METTL16: variants seen among roughly 807,000 people sequenced by gnomAD.
The protein encoded by METTL16 is methyltransferase 16, RNA N6-adenosine, also known as RNA N(6)-adenosine-methyltransferase METTL16.
Under a neutral mutation model 57.9 loss-of-function variants are expected in METTL16, and 19 were observed. The observed-to-expected ratio is 0.33, with a 90% CI of 0.23 to 0.48. The LOEUF is 0.48. Among genes scored for constraint, METTL16 ranks in the 20% least tolerant of loss-of-function variants. The pLI is 0.99. For missense variants in METTL16, 434 were observed against 691.5 expected, an observed-to-expected ratio of 0.63 and a Z score of 4.18; for synonymous variants, 246 against 255.6, an observed-to-expected ratio of 0.96 and a Z score of 0.36.
intron 8 of METTL16, among the ~76,000 whole-genome samples, chr17:2,424,819 A>G (rs920911647): frequency 7.2e-5 from 11 of 152,112 alleles, no homozygotes; most frequent in Non-Finnish European, 1.2e-4. Flanking sequence ...GTGGCGGCAC[A>G]CGCCTGTAGT....
intron 6 of METTL16, chr17:2,455,087 CTTTTTTT>C: frequency 3.6e-5 from 4 of 111,908 alleles, no homozygotes; most frequent in South Asian, 1.6e-4. Flanking sequence ...TGCCCAGGTA[CTTTTTTT>C]TTTTTTTTTT....
intron 8 of METTL16, among the ~76,000 whole-genome samples, chr17:2,427,326 A>G (rs894834213): frequency 9.8e-5 from 15 of 152,328 alleles, no homozygotes; most frequent in African/African-American, 3.6e-4. Flanking sequence ...TTACAAAACA[A>G]AACTAACAAC....
chr17:2,484,552 T>C (rs1393236481), intron 2 of METTL16, among the ~76,000 whole-genome samples: 2 of 152,018 alleles, frequency 1.3e-5, no homozygotes, highest in Non-Finnish European at 2.9e-5. Flanking sequence ...TGGAGTTCAA[T>C]GGCGCAATAT....
At chr17:2,473,721 AT>A in intron 3 of METTL16, 57 bp from the exon 4 acceptor site, 1 of 1,540,074 alleles carries the variant, frequency 6.5e-7, no homozygotes, top group Non-Finnish European at 8.8e-7. Context: ...GGTTACAATA[AT>A]CATGAAAACA....
At chr17:2,447,373 C>A (rs1238176475) in intron 6 of METTL16, among the ~76,000 whole-genome samples, 1 of 136,740 alleles carries the variant, frequency 7.3e-6, no homozygotes, top group South Asian at 2.3e-4. Context: ...GTGAGGAGCC[C>A]CTCCGTCCAG....
intron 8 of METTL16, among the ~76,000 whole-genome samples, chr17:2,430,104 T>G (rs994246401): frequency 6.6e-6 from 1 of 151,518 alleles, no homozygotes; most frequent in African/African-American, 2.4e-5. Context: ...ATGAGCCACC[T>G]GCCCACTTCC....
chr17:2,452,250 G>C (rs147302805), intron 6 of METTL16, among the ~76,000 whole-genome samples: 1 of 151,596 alleles, frequency 6.6e-6, no homozygotes, highest in East Asian at 1.9e-4. Flanking sequence ...ATACTTAATA[G>C]ACACTCGGGA....
At chr17:2,498,789 A>G (rs1209729068) in intron 2 of METTL16, among the ~76,000 whole-genome samples, 2 of 151,558 alleles carry the variant, frequency 1.3e-5, no homozygotes, top group African/African-American at 4.9e-5. Context: ...GGCAAGGCAC[A>G]AGAATCCTCC....
At chr17:2,463,493 A>G (rs1012804981) in intron 6 of METTL16, among the ~76,000 whole-genome samples, 68 of 151,798 alleles carry the variant, frequency 4.5e-4, no homozygotes, top group African/African-American at 1.5e-3. Flanking sequence ...AAGGAATCTT[A>G]CTCTCTCACC....
At chr17:2,453,193 G>A (rs556811877) in intron 6 of METTL16, among the ~76,000 whole-genome samples, 6 of 152,186 alleles carry the variant, frequency 3.9e-5, no homozygotes, top group African/African-American at 1.4e-4. Flanking sequence ...TAACCACAGA[G>A]GAATTATCAA....
At chr17:2,447,792 G>A (rs2067019565) in intron 6 of METTL16, among the ~76,000 whole-genome samples, 2 of 121,128 alleles carry the variant, frequency 1.7e-5, no homozygotes, top group African/African-American at 3.6e-5. Flanking sequence ...CGCCCCGTCC[G>A]GGAGGGAGGT....
intron 8 of METTL16, among the ~76,000 whole-genome samples, chr17:2,432,929 T>C (rs1321266776): frequency 6.6e-6 from 1 of 152,188 alleles, no homozygotes; most frequent in Non-Finnish European, 1.5e-5. Flanking sequence ...CGAAGTTAAG[T>C]AGCCTGTTCT....
intron 6 of METTL16, among the ~76,000 whole-genome samples, chr17:2,442,786 C>A (rs2066963528): frequency 6.6e-6 from 1 of 151,862 alleles, no homozygotes; most frequent in South Asian, 2.1e-4. Context: ...GCTTCAAAAA[C>A]ACAAACTACC....
chr17:2,434,779 C>CA (rs1335060113), intron 8 of METTL16, among the ~76,000 whole-genome samples: 1 of 152,116 alleles, frequency 6.6e-6, no homozygotes, highest in African/African-American at 2.4e-5. Context: ...ATCTGCTCTC[C>CA]AAAAAGCCCT....
chr17:2,474,132 A>G (rs2151567984), intron 3 of METTL16, among the ~76,000 whole-genome samples: 1 of 152,296 alleles, frequency 6.6e-6, no homozygotes, highest in East Asian at 1.9e-4. Flanking sequence ...ATACATGACT[A>G]ATTCACCTAA....
intron 2 of METTL16, among the ~76,000 whole-genome samples, chr17:2,498,265 A>C (rs2067461131): frequency 6.6e-6 from 1 of 150,442 alleles, no homozygotes; most frequent in Non-Finnish European, 1.5e-5. Flanking sequence ...TACAAAAATT[A>C]GTTGGGCATG....
At chr17:2,431,234 G>T (rs902255655) in intron 8 of METTL16, among the ~76,000 whole-genome samples, 10 of 152,086 alleles carry the variant, frequency 6.6e-5, no homozygotes, top group Non-Finnish European at 1.5e-4. Flanking sequence ...TGTGGGAGCT[G>T]CTGCACCCAG....
At chr17:2,428,527 C>CAAA in intron 8 of METTL16, among the ~76,000 whole-genome samples, 1 of 21,072 alleles carries the variant, frequency 4.7e-5, no homozygotes, top group Non-Finnish European at 8.3e-5. Flanking sequence ...GACTCCGTCT[C>CAAA]AAAAAAAAAA....
chr17:2,511,697 T>A, intron 1 of METTL16, 62 bp downstream of exon 1: 2 of 395,366 alleles, frequency 5.1e-6, no homozygotes, highest in East Asian at 7.2e-5. Context: ...GAGGAACCCG[T>A]GTGATCCACG....
Sources: allele counts gnomAD v4.1 joint callset (sites outside exome capture counted in the v4.1 genomes callset), GRCh38; gene constraint gnomAD v4.1.1; transcripts MANE v1.5; gene names NCBI Gene and HGNC (gene_info 2026-07-23, HGNC 2026-07-21).